The following ELFN2 variants were observed in gnomAD, a reference collection of about 807,000 sequenced individuals.
ELFN2 encodes the protein protein phosphatase 1 regulatory subunit 29.
In ELFN2, 17 loss-of-function variants were observed where a neutral mutation model predicts 45.5. The observed-to-expected ratio is 0.37, with a 90% CI of 0.26 to 0.56. The LOEUF (loss-of-function observed/expected upper bound fraction) is 0.56, where lower values mean the gene tolerates loss of function less well. Ranked by LOEUF, ELFN2 falls within the 20% of genes least tolerant of loss-of-function variation. The pLI is 0.77. For missense variants in ELFN2, 922 were observed against 1,183.2 expected, an observed-to-expected ratio of 0.78 and a Z score of 3.24; for synonymous variants, 550 against 551.5, an observed-to-expected ratio of 1.00 and a Z score of 0.04.
chr22:37,424,796 C>T (rs1932836140), intron 1 of ELFN2, among the ~76,000 whole-genome samples: 3 of 152,074 alleles, frequency 2.0e-5, no homozygotes, highest in African/African-American at 7.2e-5. Context: ...AAAGAACTGC[C>T]GTGGAAATCC....
intron 1 of ELFN2, among the ~76,000 whole-genome samples, chr22:37,345,507 A>C (rs1005358226): frequency 9.2e-5 from 14 of 151,724 alleles, no homozygotes; most frequent in African/African-American, 2.9e-4. Flanking sequence ...GCTCCCCTGC[A>C]AAGGGCCATG....
At chr22:37,355,810 T>C (rs1930935428) in intron 1 of ELFN2, among the ~76,000 whole-genome samples, 1 of 152,194 alleles carries the variant, frequency 6.6e-6, no homozygotes. Flanking sequence ...CAGTCCCATA[T>C]CCACAGCCAT....
intron 2 of ELFN2, among the ~76,000 whole-genome samples, chr22:37,377,330 C>G (rs747816582): frequency 2.6e-5 from 4 of 152,212 alleles, no homozygotes; most frequent in Non-Finnish European, 5.9e-5. Flanking sequence ...GCCCAGTTCT[C>G]CCTCCCTCTG....
chr22:37,395,010 CAGG>C (rs1407761726), intron 2 of ELFN2, among the ~76,000 whole-genome samples: 3 of 151,934 alleles, frequency 2.0e-5, no homozygotes, highest in Non-Finnish European at 1.5e-5. Context: ...GGCTGAGAGG[CAGG>C]AGAATCACTT....
chr22:37,423,612 G>A lies in ELFN2; in HGVS notation c.-614+3686C>T, dbSNP rs926509342. On this transcript the variant is annotated intron_variant, in intron 1 of 2. Transcript: ENST00000402918. ...GCTTTTGTGGGACTAAACGAATGCC[G>A]CCCATAAAGAGCTTCGAACCGGGCC... Among the ~76,000 whole-genome samples the A allele has an allele frequency of 6.6e-5, 10 of 152,140 alleles. No homozygotes were observed. In the East Asian group the frequency reaches 1.2e-3, roughly 18 times the overall value.
downstream of ELFN2, among the ~76,000 whole-genome samples, chr22:37,367,628 G>A (rs1041674426): frequency 6.6e-6 from 1 of 152,254 alleles, no homozygotes; most frequent in Non-Finnish European, 1.5e-5. Context: ...AATCCCGGGT[G>A]TGGGAGGCCA....
In ELFN2 at chr22:37,374,339, A is replaced by G; in HGVS notation, c.1196T>C (p.Met399Thr). ...PSTSTTTHYI[M>T]TILGCLFGMV... The stretch of plus-strand genomic sequence containing the variant: ...GCCAAAGAGGCAGCCCAGGATGGTC[A>G]TGATGTAGTGGGTGGTGGTGGAGGT... Residue 399 changes from methionine to threonine, a missense_variant, in exon 3 of 3, where the codon ATG (methionine) becomes ACG (threonine). By Grantham distance (81) the Met-to-Thr change is moderately conservative. Around this residue, in one of 2 missense-constraint regions of ELFN2, gnomAD observed 564 missense variants for 642.8 expected, o/e 0.88. Transcript: ENST00000402918. 2 of 1,613,988 alleles carry G rather than the reference A, an allele frequency of 1.2e-6. No individual in the cohort carries two copies.
At position 37,368,147 on chromosome 22, in the gene ELFN2, C is replaced by T. The variant is rs1253738506; in HGVS notation, c.*4925G>A. ...CCCAAAAGAAGAAAAGGAGAGGGTT[C>T]AAGGCCCTCAGAGGAAGGAAAGTTT... On this transcript the variant is annotated 3_prime_UTR_variant, in exon 3 of 3. Coordinates refer to ENST00000402918, the MANE Select transcript of ELFN2 (RefSeq NM_052906.5). The T allele has an allele frequency of 6.6e-6, 1 of 152,338 alleles. No individual in the cohort carries two copies. Among genetic ancestry groups the T allele is most frequent in the East Asian group, 1.9e-4 (1 of 5,192 alleles). 9.4% of individuals were successfully genotyped at this position (152,338 alleles called of 1,614,324 possible). A position where few individuals can be genotyped will look rare whatever the true frequency, so the allele number is the denominator to read the frequency against.
At position 37,344,805 on chromosome 22, in the gene ELFN2, C is replaced by T. The variant is rs112800125; in HGVS notation, n.149-2102G>A. ...GCGCATCCCCTCTGCCACAGGCACC[C>T]CATCCCCGTCCACGCCTGCTCTCAC... On this transcript the variant is annotated intron_variant and non_coding_transcript_variant, in intron 1 of 2. Coordinates refer to ENST00000452946, the Ensembl canonical transcript of ELFN2. Among the ~76,000 whole-genome samples, 534 of 152,352 alleles carry T rather than the reference C, an allele frequency of 3.5e-3. 4 individuals are homozygous for T. Among genetic ancestry groups the T allele is most frequent in the African/African-American group, 0.012 (499 of 41,592 alleles).
chr22:37,425,297 G>A (rs1932839493), intron 1 of ELFN2, among the ~76,000 whole-genome samples: 1 of 152,212 alleles, frequency 6.6e-6, no homozygotes, highest in African/African-American at 2.4e-5. Context: ...CAATGGTGCT[G>A]ATGTGAGAAC....
intron 2 of ELFN2, among the ~76,000 whole-genome samples, chr22:37,395,979 T>G (rs1339727918): frequency 6.6e-6 from 1 of 151,920 alleles, no homozygotes; most frequent in Non-Finnish European, 1.5e-5. Flanking sequence ...AAGCTGGTGG[T>G]TAAGTGGGAG....
intron 2 of ELFN2, among the ~76,000 whole-genome samples, chr22:37,415,817 C>G (rs1305406494): frequency 1.3e-5 from 2 of 152,154 alleles, no homozygotes; most frequent in Non-Finnish European, 2.9e-5. Flanking sequence ...AAAAAATTAG[C>G]CAGGCGTGGT....
At chr22:37,384,607 T>TGCCTCCCCCACCTGACCCC (rs1192551423) in intron 2 of ELFN2, among the ~76,000 whole-genome samples, 1 of 70,968 alleles carries the variant, frequency 1.4e-5, no homozygotes, top group Admixed American at 1.8e-4. Flanking sequence ...CACCTGACCC[T>TGCCTCCCCCACCTGACCCC]GCCTCCCCCA....
At chr22:37,424,677 C>A (rs964569605) in intron 1 of ELFN2, among the ~76,000 whole-genome samples, 1 of 132,206 alleles carries the variant, frequency 7.6e-6, no homozygotes, top group Non-Finnish European at 1.7e-5. Context: ...CCACTGAGGG[C>A]GGCGGGGGGG....
intron 1 of ELFN2, among the ~76,000 whole-genome samples, chr22:37,362,856 C>T (rs888025309): frequency 6.6e-6 from 1 of 152,212 alleles, no homozygotes; most frequent in East Asian, 1.9e-4. Flanking sequence ...TGTTTGGGCT[C>T]TACAGATCAG....
intron 1 of ELFN2, among the ~76,000 whole-genome samples, chr22:37,356,735 T>G (rs1246264953): frequency 6.6e-6 from 1 of 152,158 alleles, no homozygotes; most frequent in Non-Finnish European, 1.5e-5. Context: ...ATTTTTTAGG[T>G]GAGGAAACTG....
chr22:37,416,453 T>C (rs1280001441), intron 2 of ELFN2, among the ~76,000 whole-genome samples: 2 of 152,184 alleles, frequency 1.3e-5, no homozygotes, highest in South Asian at 4.1e-4. Context: ...TCAGCAAACA[T>C]GACGGATGGG....
intron 2 of ELFN2, among the ~76,000 whole-genome samples, chr22:37,397,791 G>A (rs933548731): frequency 6.6e-6 from 1 of 151,998 alleles, no homozygotes; most frequent in Admixed American, 6.6e-5. Context: ...GCACAAGGAG[G>A]GGAACGAGCT....
chr22:37,381,484 T>G (rs1273105643), intron 2 of ELFN2, among the ~76,000 whole-genome samples: 1 of 151,814 alleles, frequency 6.6e-6, no homozygotes, highest in African/African-American at 2.4e-5. Context: ...GGAATGTTCT[T>G]CCCCCAGAAT....
Sources: gnomAD v4.1 joint callset for allele counts (sites outside exome capture counted in the v4.1 genomes callset) on GRCh38, gnomAD v4.1.1 for gene constraint, gnomAD v4.1.1 regional missense constraint, MANE v1.5 for transcripts, NCBI Gene and HGNC (gene_info 2026-07-23, HGNC 2026-07-21) for gene names.